Variants in NOXO1 observed in about 807,000 individuals in gnomAD.
The protein encoded by NOXO1 is NADPH oxidase organizer 1, also known as NADPH oxidase regulatory protein.
Under a neutral mutation model 33.3 loss-of-function variants are expected in NOXO1, and 38 were observed. The observed-to-expected ratio is 1.14, with a 90% CI of 0.88 to 1.50. NOXO1 has a LOEUF of 1.50. Among genes scored for constraint, NOXO1 ranks in the 40% most tolerant of loss-of-function variants. NOXO1 has a pLI of 0.00. For missense variants in NOXO1, 675 were observed against 527.1 expected (o/e 1.28, Z -2.75); for synonymous variants, 302 against 237.3 (o/e 1.27, Z -2.51).
chr16:1,979,996 C>T lies in NOXO1; in HGVS notation c.586+1G>A. On this transcript the variant is annotated splice_donor_variant, in intron 5 of 7. Coordinates refer to ENST00000356120, the MANE Select transcript of NOXO1 (RefSeq NM_172167.3). LOFTEE classifies it high-confidence loss of function. ...ATCCCTGGGTTCTTGGGGGGCCCTA[C>T]CTGAGGGGTGCCGCAGCAGCACGTC... 1 of 1,601,118 alleles carries T rather than the reference C, an allele frequency of 6.2e-7. No individual in the cohort carries two copies. Among genetic ancestry groups the T allele is most frequent in the Non-Finnish European group, 8.5e-7 (1 of 1,175,008 alleles).
rs759630982 is a variant in NOXO1, at chr16:1,981,019, T to C, written c.67A>G (p.Thr23Ala). ...GACCAGCGCACAGAGAAGGCAAACG[T>C]CTGGGGGACAAAAAGTTGGGAGTGC... Reference protein sequence around the residue: ...AALVQIKRLQTFAFSVRWSDG... With the variant: ...AALVQIKRLQAFAFSVRWSDG... The change falls in exon 2 of 8, where the codon ACG (threonine) becomes GCG (alanine). Residue 23 changes from threonine to alanine, a missense_variant and splice_region_variant. By Grantham distance (58) the Thr-to-Ala change is moderately conservative (BLOSUM62 0). Transcript: ENST00000356120. The C allele has an allele frequency of 8.1e-6, 13 of 1,613,140 alleles. No homozygotes were observed. The highest frequency in any genetic ancestry group is 1.6e-4 in the Middle Eastern group (1 of 6,084).
In NOXO1 at chr16:1,979,056, T is replaced by C; in HGVS notation, c.1112A>G (p.Gln371Arg). ...CCCTCATCGGGATCCTCGCGCTCAC[T>C]GCTCCGTCGTGGGGTGCGGCACAGA... ...VDSVPHPTTE[Q>R] is the part of the protein sequence containing the mutation. The change falls in exon 8 of 8, where the codon CAG becomes CGG. Residue 371 changes from glutamine to arginine, a missense_variant. Coordinates refer to ENST00000356120, the MANE Select transcript of NOXO1 (RefSeq NM_172167.3). 1 of 1,544,822 alleles carries C rather than the reference T, an allele frequency of 6.5e-7. No individual in the cohort carries two copies. Among genetic ancestry groups the C allele is most frequent in the South Asian group, 1.2e-5 (1 of 84,530 alleles).
chr16:1,979,472 C>T lies in NOXO1; in HGVS notation c.771G>A (p.Ala257=). The part of the protein sequence containing the change: ...RADELSVPAG[A]RVRVLETSDR... ...CTGACGTTTCCAACACGCGCACGCG[C>T]GCCCCCGCGGGCACGGACAGCTCAT... The change falls in exon 7 of 8, where the codon GCG becomes GCA. Residue 257 remains alanine (A), a synonymous_variant. Coordinates refer to ENST00000356120, the MANE Select transcript of NOXO1 (RefSeq NM_172167.3). 6.2e-7 allele frequency: 1 copy of T among 1,611,802 alleles called. No homozygotes were observed. The highest frequency in any genetic ancestry group is 8.5e-7 in the Non-Finnish European group (1 of 1,179,522).
chr16:1,979,974 C>G (rs1490673255), intron 5 of NOXO1, 23 bp downstream of exon 5: 1 of 1,593,042 alleles, frequency 6.3e-7, no homozygotes, highest in Non-Finnish European at 8.5e-7. Context: ...GGAGCAAATC[C>G]CTGGGTTCTT....
chr16:1,980,514 G>T lies in NOXO1; in HGVS notation c.254C>A (p.Thr85Lys). 6.2e-7 allele frequency: 1 copy of T among 1,603,012 alleles called. No individual in the cohort carries two copies. The highest frequency in any genetic ancestry group is 8.5e-7 in the Non-Finnish European group (1 of 1,179,132). Residue 85 changes from threonine to lysine, a missense_variant, in exon 4 of 8, where the codon ACG (threonine) becomes AAG (lysine). Physicochemically the swap from Thr to Lys is moderately conservative, Grantham distance 78. Transcript: ENST00000356120. ...DAPLLGRVGR[T>K]SRGLARLQLL... ...CTGCAGGCGCGCCAGGCCGCGGCTC[G>T]TGCGCCCCACGCGTCCCAACAGTGG...
chr16:1,980,215 G>T, intron 4 of NOXO1, 34 bp from the exon 5 acceptor site: 1 of 1,570,886 alleles, frequency 6.4e-7, no homozygotes, highest in Non-Finnish European at 8.6e-7. Flanking sequence ...TGAGAGGTAG[G>T]CGGATGGGGA....
In NOXO1 at chr16:1,978,982, A is replaced by G; in HGVS notation, c.*70T>C. 1 of 1,411,522 alleles carries G rather than the reference A, an allele frequency of 7.1e-7. No homozygotes were observed. The highest frequency in any genetic ancestry group is 9.5e-7 in the Non-Finnish European group (1 of 1,057,814). 87.4% of individuals were successfully genotyped at this position (1,411,522 alleles called of 1,614,324 possible). On this transcript the variant is annotated 3_prime_UTR_variant, in exon 8 of 8. Coordinates refer to ENST00000356120, the MANE Select transcript of NOXO1 (RefSeq NM_172167.3). ...CCCCTCCCATCCCTGCTGGCCAGGG[A>G]GATCCGCCCTCCCCGCTCCTCCCCA...
Position 1,980,725 on chromosome 16 carries a change from G to C in NOXO1, c.154C>G (p.Leu52Val). Residue 52 changes from leucine to valine, a missense_variant, in exon 3 of 8, where the codon CTC becomes GTC. Leu to Val is a conservative substitution (Grantham distance 32). Coordinates refer to ENST00000356120, the MANE Select transcript of NOXO1 (RefSeq NM_172167.3). ...WDEFRQLKKT[L>V]KETFPVEAGL... ...GCCTCCACCGGGAAGGTCTCCTTGA[G>C]GGTCTTCTGAGGGCGGGAACCAGGG... 1.2e-6 allele frequency: 2 copies of C among 1,600,662 alleles called. No homozygotes were observed. The highest frequency in any genetic ancestry group is 2.2e-5 in the South Asian group (2 of 89,136).
chr16:1,980,333 G>A (rs1036173574), intron 4 of NOXO1, 34 bp downstream of exon 4: 3 of 1,585,414 alleles, frequency 1.9e-6, no homozygotes, highest in Admixed American at 3.4e-5. Flanking sequence ...TCCAAACGCC[G>A]CTGCATGCTG....
rs1381495896 is a variant in NOXO1 at position 1,979,791 on chromosome 16, G to A, written c.699C>T (p.Ser233=). The A allele has an allele frequency of 3.2e-6, 5 of 1,544,234 alleles. No homozygotes were observed. Among genetic ancestry groups the A allele is most frequent in the Admixed American group, 1.9e-5 (1 of 51,586 alleles). ...TGAGGGGTGGGGTTAGGCGCATACC[G>A]CTGCTCCCTAGGGACGGGCCTCCCT... The part of the protein sequence containing the change: ...GREGGPSLGS[S]GPQFCASRAY... The change falls in exon 6 of 8, where the codon AGC becomes AGT. Residue 233 remains serine, a splice_region_variant and synonymous_variant. Transcript: ENST00000356120.
rs867283153 is a variant in NOXO1, at chr16:1,981,347, T to C, written c.-168A>G. ...CCGCCCCAGCTGAGTCCTTTGCAGC[T>C]TTCTTGCTGTCCCCCAAGCCCACGA... is the stretch of plus-strand genomic sequence containing the variant. On this transcript the variant is annotated 5_prime_UTR_variant, in exon 1 of 8. Transcript: ENST00000356120. 2 of 1,431,306 alleles carry C rather than the reference T, an allele frequency of 1.4e-6. No individual in the cohort carries two copies. Among genetic ancestry groups the C allele is most frequent in the Non-Finnish European group, 1.8e-6 (2 of 1,095,076 alleles). 88.7% of individuals were successfully genotyped at this position (1,431,306 alleles called of 1,614,324 possible). A position where few individuals can be genotyped will look rare whatever the true frequency, so the allele number is the denominator to read the frequency against.
intron 2 of NOXO1, 38 bp downstream of exon 2, chr16:1,980,901 C>G: frequency 6.3e-7 from 1 of 1,576,158 alleles, no homozygotes; most frequent in Non-Finnish European, 8.7e-7. Flanking sequence ...CGTGGGGAAG[C>G]CGCCACCGCG....
rs199699421 is a variant in NOXO1, at chr16:1,980,113, C to A, written c.470G>T (p.Ser157Ile). The A allele has an allele frequency of 8.4e-5, 135 of 1,608,422 alleles. No homozygotes were observed. Among genetic ancestry groups the A allele is most frequent in the Non-Finnish European group, 5.1e-6 (6 of 1,179,004 alleles). Reference sequence around the variant, plus strand: ...GCAGCGCAGGCTCTGAGCCTCCAGACTGTGGATGGAGAGGCGGCCCGCAGC... The same window carrying A: ...GCAGCGCAGGCTCTGAGCCTCCAGAATGTGGATGGAGAGGCGGCCCGCAGC... The part of the protein sequence containing the change: ...SRAAGRLSIH[S>I]LEAQSLRCLQ... Residue 157 changes from serine to isoleucine, a missense_variant, in exon 5 of 8, where the codon AGT (serine) becomes ATT (isoleucine). Transcript: ENST00000356120.
At chr16:1,980,293 T>C in intron 4 of NOXO1, 74 bp downstream of exon 4, 1 of 1,528,702 alleles carries the variant, frequency 6.5e-7, no homozygotes, top group Non-Finnish European at 8.8e-7. Context: ...ATTCGCTGGC[T>C]GTTCCCCCCC....
In NOXO1 at chr16:1,980,186, G is replaced by A. The variant is rs994096218; in HGVS notation, c.402-5C>T. On this transcript the variant is annotated splice_polypyrimidine_tract_variant and splice_region_variant and intron_variant, in intron 4 of 7. Transcript: ENST00000356120. ...GGGGTGGGCAGGATCACCCGGCTGG[G>A]AAGGGCAGCCCGTACGAGTGAGAGG... 10 of 1,595,744 alleles carry A rather than the reference G, an allele frequency of 6.3e-6. No homozygotes were observed. Among genetic ancestry groups the A allele is most frequent in the Non-Finnish European group, 8.5e-6 (10 of 1,174,298 alleles).
chr16:1,979,244 A>T lies in NOXO1; in HGVS notation c.924T>A (p.Gly308=). 1 of 1,512,918 alleles carries T rather than the reference A, an allele frequency of 6.6e-7. No individual in the cohort carries two copies. The highest frequency in any genetic ancestry group is 8.8e-7 in the Non-Finnish European group (1 of 1,137,300). 93.7% of individuals were successfully genotyped at this position (1,512,918 alleles called of 1,614,324 possible). ...AGGGTTCAGGGAAGCCCCGGGCCTC[A>T]CCCGCCGGGTCGTCTCCTCCACGGA... ...TGFRGGDDPA[G]EARGFPEPSQ... The change falls in exon 8 of 8, where the codon GGT becomes GGA. Residue 308 remains glycine, a synonymous_variant. Transcript: ENST00000356120.
rs1402479791 is a variant in NOXO1 at position 1,980,248 on chromosome 16, C to G, written c.402-67G>C. The G allele has an allele frequency of 8.5e-6, 13 of 1,523,868 alleles. No homozygotes were observed. The East Asian group carries it at 2.6e-4, about 30-fold the overall frequency. 94.4% of individuals were successfully genotyped at this position (1,523,868 alleles called of 1,614,324 possible). A position where few individuals can be genotyped will look rare whatever the true frequency, so the allele number is the denominator to read the frequency against. On this transcript the variant is annotated intron_variant, in intron 4 of 7. Transcript: ENST00000356120. ...GGAGGGTGAAACTGGGGGCGCCACC[C>G]CGGCAAGACCGCCAGCCTCCCACTC...
At position 1,980,461 on chromosome 16, in the gene NOXO1, G is replaced by A; in HGVS notation, c.307C>T (p.Leu103=). The A allele has an allele frequency of 6.2e-7, 1 of 1,601,966 alleles. No individual in the cohort carries two copies. The highest frequency in any genetic ancestry group is 8.5e-7 in the Non-Finnish European group (1 of 1,179,848). The part of the protein sequence containing the change: ...QLLETYSRRL[L]ATAERVARSP... ...CGTGCCACGCGCTCTGCAGTCGCCA[G>A]CAGCCTCCGAGAATAGGTTTCCAAC... The change falls in exon 4 of 8, where the codon CTG becomes TTG. Residue 103 remains leucine, a synonymous_variant. Transcript: ENST00000356120.
Position 1,981,141 on chromosome 16 carries a change from T to C in NOXO1, c.39A>G (p.Ala13=). The change falls in exon 1 of 8, where the codon GCA becomes GCG. Residue 13 remains alanine, a synonymous_variant. Transcript: ENST00000356120. ...GGAGCCTCTTGATCTGCACCAGGGCTGCCCCTTGCACTGAAACTGGGTATC... is the reference window on the plus strand; with the variant it reads ...GGAGCCTCTTGATCTGCACCAGGGCCGCCCCTTGCACTGAAACTGGGTATC... ...GPRYPVSVQG[A]ALVQIKRLQT... is the part of the protein sequence containing the mutation. The C allele has an allele frequency of 6.2e-7, 1 of 1,613,570 alleles. No homozygotes were observed. The highest frequency in any genetic ancestry group is 8.5e-7 in the Non-Finnish European group (1 of 1,180,006).
Sources: gnomAD v4.1 joint callset for allele counts on GRCh38, gnomAD v4.1.1 for gene constraint, MANE v1.5 for transcripts, NCBI Gene and HGNC (gene_info 2026-07-23, HGNC 2026-07-21) for gene names.